The following TMEM114 variants were observed in gnomAD, a reference collection of about 807,000 sequenced individuals.
TMEM114 encodes the protein transmembrane protein 114.
Under a neutral mutation model 6.2 loss-of-function variants are expected in TMEM114, and 6 were observed. The observed-to-expected ratio is 0.97, with a 90% CI of 0.53 to 1.91. The LOEUF (loss-of-function observed/expected upper bound fraction) is 1.91, where lower values mean the gene tolerates loss of function less well. Among genes scored for constraint, TMEM114 ranks in the 40% most tolerant of loss-of-function variants. TMEM114 has a pLI of 0.01. For missense variants in TMEM114, 218 were observed against 158.3 expected (o/e 1.38, Z -2.02); for synonymous variants, 104 against 73.0 (o/e 1.42, Z -2.16).
chr16:8,559,127 C>T (rs1229060961), intron 2 of TMEM114, among the ~76,000 whole-genome samples: 2 of 152,130 alleles, frequency 1.3e-5, no homozygotes, highest in African/African-American at 4.8e-5. Flanking sequence ...ACTGCAACCT[C>T]TTCTTCCCAG....
At chr16:8,569,436 C>T, downstream of TMEM114, 1 of 1,138,322 alleles carries the variant, frequency 8.8e-7, no homozygotes, top group African/African-American at 1.6e-5. Flanking sequence ...ATCCAAGGGA[C>T]ATGGGTGAGG....
chr16:8,535,450 G>A (rs1165023022), downstream of TMEM114, among the ~76,000 whole-genome samples: 3 of 151,956 alleles, frequency 2.0e-5, no homozygotes, highest in Non-Finnish European at 2.9e-5. Flanking sequence ...GACATTTGAA[G>A]GGAAGTTAAT....
intron 3 of TMEM114, 92 bp downstream of exon 3, chr16:8,571,995 G>C (rs558249442): frequency 1.4e-6 from 2 of 1,398,554 alleles, no homozygotes; most frequent in Non-Finnish European, 1.9e-6. Flanking sequence ...CGAGGCCCTG[G>C]GATCCCCCTC....
chr16:8,574,779 T>C (rs1427794371), intron 2 of TMEM114, among the ~76,000 whole-genome samples: 1 of 152,098 alleles, frequency 6.6e-6, no homozygotes, highest in East Asian at 1.9e-4. Flanking sequence ...GGCAGCCCCA[T>C]GTGAGTTTCC....
chr16:8,577,852 G>A (rs80117377), intron 2 of TMEM114, among the ~76,000 whole-genome samples: 3,483 of 152,214 alleles, frequency 0.023, 63 homozygotes, highest in Non-Finnish European at 0.034. Flanking sequence ...CTCCCAAAGT[G>A]CGGAGATTAC....
At chr16:8,587,014 G>A (rs1457392799) in intron 2 of TMEM114, among the ~76,000 whole-genome samples, 1 of 152,098 alleles carries the variant, frequency 6.6e-6, no homozygotes, top group Non-Finnish European at 1.5e-5. Flanking sequence ...AGCCAGTTAA[G>A]CTTTTGAGAA....
At chr16:8,559,185 C>T (rs763726168) in intron 2 of TMEM114, among the ~76,000 whole-genome samples, 4 of 152,026 alleles carry the variant, frequency 2.6e-5, no homozygotes, top group Non-Finnish European at 4.4e-5. Flanking sequence ...TGGGACTATA[C>T]GCATGCGCCA....
chr16:8,530,629 GGAGGTAAGGGGGGACGGATGAAGA>G, the TMEM114 span, among the ~76,000 whole-genome samples: 1 of 152,142 alleles, frequency 6.6e-6, no homozygotes, highest in East Asian at 1.9e-4. Context: ...ATGGATGAAG[GGAGGTAAGGGGGGACGGATGAAGA>G]GAGGGAAGGG....
intron 2 of TMEM114, among the ~76,000 whole-genome samples, chr16:8,561,675 A>G (rs1480307293): frequency 1.3e-5 from 2 of 152,222 alleles, no homozygotes; most frequent in Non-Finnish European, 2.9e-5. Flanking sequence ...ATGAGTGAAT[A>G]AATGAATGAG....
intron 1 of TMEM114, among the ~76,000 whole-genome samples, 154 bp downstream of exon 1, chr16:8,589,465 C>G (rs1596316538): frequency 1.3e-5 from 2 of 152,320 alleles, no homozygotes; most frequent in East Asian, 3.9e-4. Flanking sequence ...TTTCGCAGTC[C>G]CGGCCTTCTG....
At chr16:8,584,370 A>G (rs1902250012) in intron 2 of TMEM114, among the ~76,000 whole-genome samples, 2 of 152,120 alleles carry the variant, frequency 1.3e-5, no homozygotes, top group Non-Finnish European at 2.9e-5. Context: ...CCTCCTTTCC[A>G]CCAAAAATAA....
chr16:8,571,926 T>C (rs1036496902), intron 3 of TMEM114, among the ~76,000 whole-genome samples, 161 bp downstream of exon 3: 1 of 152,140 alleles, frequency 6.6e-6, no homozygotes, highest in Non-Finnish European at 1.5e-5. Flanking sequence ...TAAGTGATTC[T>C]GGGCTGGAAA....
intron 2 of TMEM114, among the ~76,000 whole-genome samples, chr16:8,561,623 G>A (rs887450750): frequency 6.6e-6 from 1 of 152,266 alleles, no homozygotes; most frequent in Non-Finnish European, 1.5e-5. Context: ...GTAAGTGAAT[G>A]AATGAATAAC....
At chr16:8,576,948 C>G (rs952231351) in intron 2 of TMEM114, among the ~76,000 whole-genome samples, 1 of 152,210 alleles carries the variant, frequency 6.6e-6, no homozygotes, top group Non-Finnish European at 1.5e-5. Context: ...GAGACTCAGA[C>G]AGCCATGTGT....
At chr16:8,533,153 AC>A (rs1900264127), downstream of TMEM114, among the ~76,000 whole-genome samples, 1 of 98,870 alleles carries the variant, frequency 1.0e-5, no homozygotes, top group South Asian at 4.1e-4. Flanking sequence ...GCACACATAA[AC>A]AAAAGCAAAC....
intron 2 of TMEM114, among the ~76,000 whole-genome samples, chr16:8,553,972 A>G (rs9922586): frequency 0.28 from 42,689 of 151,356 alleles, 6,242 homozygotes; most frequent in South Asian, 0.37. Flanking sequence ...TCTGGCTCCC[A>G]GGTTCAAGCG....
intron 2 of TMEM114, among the ~76,000 whole-genome samples, chr16:8,540,662 C>G (rs1435651957): frequency 6.6e-6 from 1 of 152,184 alleles, no homozygotes; most frequent in Non-Finnish European, 1.5e-5. Flanking sequence ...CTCACTATAG[C>G]TCAGCATTCC....
intron 2 of TMEM114, among the ~76,000 whole-genome samples, chr16:8,547,835 G>T (rs1900720448): frequency 6.6e-6 from 1 of 152,114 alleles, no homozygotes; most frequent in Admixed American, 6.5e-5. Context: ...CTCTCATCAG[G>T]ATACCAACAG....
chr16:8,534,918 A>G (rs1900314210), downstream of TMEM114, among the ~76,000 whole-genome samples: 1 of 152,228 alleles, frequency 6.6e-6, no homozygotes, highest in Admixed American at 6.5e-5. Flanking sequence ...ACATGTGCCC[A>G]GCACTTAGGT....
Sources: allele counts gnomAD v4.1 joint callset (sites outside exome capture counted in the v4.1 genomes callset), GRCh38; gene constraint gnomAD v4.1.1; transcripts MANE v1.5; gene names NCBI Gene and HGNC (gene_info 2026-07-23, HGNC 2026-07-21).